Variants in LMO2 observed in about 807,000 individuals in gnomAD.
LMO2 encodes the protein LIM domain only 2.
LMO2 carries 20 observed loss-of-function variants against 23.2 expected under a neutral mutation model. The ratio of observed to expected loss-of-function variants is 0.86; its 90% CI spans 0.61 to 1.25. LMO2 has a LOEUF of 1.25. LMO2 is among the 50% of genes most tolerant of loss of function. The pLI is 0.00. For synonymous variants in LMO2, 123 were observed against 130.2 expected (o/e 0.94, Z 0.38); for missense variants, 270 against 315.3 (o/e 0.86, Z 1.09).
At chr11:33,877,271 G>A (rs538649338) in intron 2 of LMO2, among the ~76,000 whole-genome samples, 2 of 152,258 alleles carry the variant, frequency 1.3e-5, no homozygotes, top group East Asian at 1.9e-4. Context: ...TCAGAGTCAC[G>A]TGTCTCTGAT....
At chr11:33,888,871 GATGA>G (rs1857476680) in intron 1 of LMO2, among the ~76,000 whole-genome samples, 2 of 152,190 alleles carry the variant, frequency 1.3e-5, no homozygotes, top group Non-Finnish European at 2.9e-5. Flanking sequence ...TTGCTGAGTG[GATGA>G]ATGAAGTGTG....
chr11:33,870,659 G>C, intron 2 of LMO2: 6 of 779,820 alleles, frequency 7.7e-6, no homozygotes, highest in Non-Finnish European at 9.3e-6. Flanking sequence ...GGCTGGTGGC[G>C]GAATCCCCTC....
chr11:33,883,470 T>G (rs1565036345), intron 1 of LMO2, among the ~76,000 whole-genome samples: 1 of 152,242 alleles, frequency 6.6e-6, no homozygotes, highest in Non-Finnish European at 1.5e-5. Context: ...CAATCACTTC[T>G]TTCCAAGACC....
At position 33,858,867 on chromosome 11, in the gene LMO2, G is replaced by A. The variant is rs1167346925; in HGVS notation, c.*489C>T. The A allele has an allele frequency of 1.3e-5, 3 of 232,618 alleles. No homozygotes were observed. Among genetic ancestry groups the A allele is most frequent in the African/African-American group, 2.2e-5 (1 of 45,160 alleles). The allele number at this position is 232,618 out of a possible 1,614,324, so 14.4% of individuals were successfully genotyped here. A position where few individuals can be genotyped will look rare whatever the true frequency, so the allele number is the denominator to read the frequency against. ...CAAAGCTTAAGGCCTTGGGAAGGGG[G>A]CCAAGAAAAAAAGAATGGCCACTCT... On this transcript the variant is annotated 3_prime_UTR_variant, in exon 6 of 6. Transcript: ENST00000257818.
chr11:33,869,258 C>G (rs1856907642), intron 4 of LMO2, 88 bp downstream of exon 4: 1 of 1,013,522 alleles, frequency 9.9e-7, no homozygotes, highest in African/African-American at 1.7e-5. Flanking sequence ...ACCTGGAGCC[C>G]CCTCGCGGGC....
chr11:33,877,179 G>A (rs1263851978), intron 2 of LMO2, among the ~76,000 whole-genome samples: 2 of 152,208 alleles, frequency 1.3e-5, no homozygotes, highest in Non-Finnish European at 2.9e-5. Context: ...GGTGAGTTAG[G>A]TTCACAGAGG....
chr11:33,868,720 C>T (rs1856878559), intron 4 of LMO2, among the ~76,000 whole-genome samples: 1 of 152,196 alleles, frequency 6.6e-6, no homozygotes, highest in Non-Finnish European at 1.5e-5. Context: ...GTTCACATGT[C>T]CCCATCGGTG....
At chr11:33,877,755 G>A (rs890491611) in intron 2 of LMO2, among the ~76,000 whole-genome samples, 2 of 151,950 alleles carry the variant, frequency 1.3e-5, no homozygotes, top group Non-Finnish European at 2.9e-5. Context: ...GTAAGCCACT[G>A]CACCCTACCT....
chr11:33,885,173 A>G (rs1226921998), intron 1 of LMO2, among the ~76,000 whole-genome samples: 1 of 152,208 alleles, frequency 6.6e-6, no homozygotes, highest in East Asian at 1.9e-4. Context: ...TTGGGACGTC[A>G]GGAAGAAGTT....
At chr11:33,870,115 T>G in intron 2 of LMO2, 128 bp from the exon 3 acceptor site, 1 of 244,846 alleles carries the variant, frequency 4.1e-6, no homozygotes, top group Non-Finnish European at 6.2e-6. Flanking sequence ...GGATTAGCAA[T>G]ACAAACAGCA....
chr11:33,884,203 G>C (rs1238530596), intron 1 of LMO2, among the ~76,000 whole-genome samples: 1 of 152,168 alleles, frequency 6.6e-6, no homozygotes, highest in Non-Finnish European at 1.5e-5. Context: ...GGAGGAGAAA[G>C]AGCCTGGTGC....
intron 1 of LMO2, among the ~76,000 whole-genome samples, chr11:33,886,936 T>G (rs551793450): frequency 2.0e-4 from 30 of 152,326 alleles, no homozygotes; most frequent in Middle Eastern, 6.8e-3. Context: ...TGTCAGGGAC[T>G]TCGCTCTTCC....
At chr11:33,873,151 A>G (rs1003076011) in intron 2 of LMO2, among the ~76,000 whole-genome samples, 1 of 152,208 alleles carries the variant, frequency 6.6e-6, no homozygotes, top group Non-Finnish European at 1.5e-5. Flanking sequence ...TAAATTAAAT[A>G]TATCCTTGGG....
At chr11:33,860,183 G>A (rs1027035044) in intron 5 of LMO2, among the ~76,000 whole-genome samples, 1 of 152,168 alleles carries the variant, frequency 6.6e-6, no homozygotes, top group East Asian at 1.9e-4. Context: ...AACACGCGGT[G>A]CAGCTAATCG....
intron 2 of LMO2, among the ~76,000 whole-genome samples, chr11:33,874,818 TC>T (rs1857098134): frequency 1.3e-5 from 2 of 152,248 alleles, no homozygotes. Context: ...TTCAGCCACA[TC>T]CCTGATTTCA....
rs1383429150 is a variant in LMO2 at position 33,870,282 on chromosome 11, G to T, written c.-271-295C>A. ...TTTCCCTTTTGGTTTAACTAAGGCA[G>T]AAAGTAACCCACGAACAGCTCGAGC... On this transcript the variant is annotated intron_variant, in intron 2 of 5. Coordinates refer to ENST00000257818, the MANE Select transcript of LMO2 (RefSeq NM_005574.4). 8 of 887,196 alleles carry T rather than the reference G, an allele frequency of 9.0e-6. No homozygotes were observed. The African/African-American group carries it at 1.3e-4, about 14-fold the overall frequency. The allele number at this position is 887,196 out of a possible 1,614,324, so 55.0% of individuals were successfully genotyped here. A position where few individuals can be genotyped will look rare whatever the true frequency, so the allele number is the denominator to read the frequency against.
rs1856472933 is a variant in LMO2, at chr11:33,859,189, T to C, written c.*167A>G. 2 of 589,002 alleles carry C rather than the reference T, an allele frequency of 3.4e-6. No homozygotes were observed. The highest frequency in any genetic ancestry group is 3.0e-5 in the Admixed American group (1 of 33,292). 36.5% of individuals were successfully genotyped at this position (589,002 alleles called of 1,614,324 possible). ...CACCTTGAAGTGTCAGCCCCTGAAT[T>C]ATGCCACTTGGATGCTATGTCTTGA... On this transcript the variant is annotated 3_prime_UTR_variant, in exon 6 of 6. Coordinates refer to ENST00000257818, the MANE Select transcript of LMO2 (RefSeq NM_005574.4).
Position 33,869,501 on chromosome 11 carries a change from G to GAGC in LMO2, c.92_93insGCT (p.Asp31delinsGluLeu). 8.3e-7 allele frequency: 1 copy of GAGC among 1,199,480 alleles called. No homozygotes were observed. Among genetic ancestry groups the GAGC allele is most frequent in the South Asian group, 3.6e-5 (1 of 27,418 alleles). 74.3% of individuals were successfully genotyped at this position (1,199,480 alleles called of 1,614,324 possible). On this transcript the variant is annotated protein_altering_variant, in exon 4 of 6. Transcript: ENST00000257818. Reference sequence around the variant, plus strand: ...CTCGGGCGCCGCCGCCGCCGCCGCCGTCGCCGCCGCTCCTGCGCCTCCGCT... The same window carrying GAGC: ...CTCGGGCGCCGCCGCCGCCGCCGCCGAGCTCGCCGCCGCTCCTGCGCCTCCGCT...
In LMO2 at chr11:33,865,130, T is replaced by TC. The variant is rs1402270745; in HGVS notation, c.249-314dup. ...CAGCACTACCTGGGCACCTCTGGTCTCCTTCTGCTTTTTCCCACTCTCCCC... is the reference window on the plus strand; with the variant it reads ...CAGCACTACCTGGGCACCTCTGGTCTCCCTTCTGCTTTTTCCCACTCTCCCC... On this transcript the variant is annotated intron_variant, in intron 4 of 5. Coordinates refer to ENST00000257818, the MANE Select transcript of LMO2 (RefSeq NM_005574.4). 1.9e-5 allele frequency: 8 copies of TC among 427,874 alleles called. No homozygotes were observed. The Admixed American group carries it at 2.8e-4, about 15-fold the overall frequency. 26.5% of individuals were successfully genotyped at this position (427,874 alleles called of 1,614,324 possible). A position where few individuals can be genotyped will look rare whatever the true frequency, so the allele number is the denominator to read the frequency against.
Sources: gnomAD v4.1 joint callset for allele counts (sites outside exome capture counted in the v4.1 genomes callset) on GRCh38, gnomAD v4.1.1 for gene constraint, MANE v1.5 for transcripts, NCBI Gene and HGNC (gene_info 2026-07-23, HGNC 2026-07-21) for gene names.